The following FRMD4A variants were observed in gnomAD, a reference collection of about 807,000 sequenced individuals.
FRMD4A encodes the protein FERM domain-containing protein 4A.
Under a neutral mutation model 129.1 loss-of-function variants are expected in FRMD4A, and 29 were observed. The observed-to-expected ratio is 0.22, with a 90% CI of 0.17 to 0.31. The LOEUF (loss-of-function observed/expected upper bound fraction) is 0.31, where lower values mean the gene tolerates loss of function less well. Among genes scored for constraint, FRMD4A ranks in the 10% least tolerant of loss-of-function variants. The probability of loss-of-function intolerance (pLI) is 1.00; values close to 1 mark genes in which losing one functional copy is unlikely to be tolerated. For synonymous variants in FRMD4A, 634 were observed against 571.6 expected (o/e 1.11, Z -1.56); for missense variants, 1,272 against 1,375.8 (o/e 0.92, Z 1.19).
At chr10:14,300,433 C>T (rs1359435816) in intron 2 of FRMD4A, among the ~76,000 whole-genome samples, 1 of 152,096 alleles carries the variant, frequency 6.6e-6, no homozygotes, top group African/African-American at 2.4e-5. Flanking sequence ...AATTCCAAGC[C>T]CCACTCTTAC....
chr10:13,747,969 A>G, intron 8 of FRMD4A, 150 bp from the exon 9 acceptor site: 1 of 628,270 alleles, frequency 1.6e-6, no homozygotes, highest in Non-Finnish European at 2.9e-6. Context: ...CTCTCTTTTT[A>G]TTTCCGAAAT....
intron 2 of FRMD4A, among the ~76,000 whole-genome samples, chr10:13,912,438 A>G (rs1047448160): frequency 2.2e-4 from 34 of 152,260 alleles, no homozygotes; most frequent in African/African-American, 3.6e-4. Context: ...GACATTACAC[A>G]TAATAGGCAA....
chr10:13,746,993 A>C (rs1237449591), intron 9 of FRMD4A, among the ~76,000 whole-genome samples: 2 of 152,064 alleles, frequency 1.3e-5, no homozygotes, highest in Non-Finnish European at 2.9e-5. Context: ...AGGGAAAATA[A>C]AACAATCAAT....
At chr10:13,949,624 T>C (rs1481195857) in intron 2 of FRMD4A, among the ~76,000 whole-genome samples, 3 of 152,244 alleles carry the variant, frequency 2.0e-5, no homozygotes, top group African/African-American at 7.2e-5. Context: ...AAGCCTGAGA[T>C]TACTTGTATT....
chr10:13,856,925 A>C (rs536506570), intron 3 of FRMD4A, among the ~76,000 whole-genome samples: 2 of 152,274 alleles, frequency 1.3e-5, no homozygotes, highest in Non-Finnish European at 2.9e-5. Flanking sequence ...TGTAAAATAC[A>C]CCAGACCACT....
intron 4 of FRMD4A, among the ~76,000 whole-genome samples, chr10:13,799,475 T>C (rs994637982): frequency 6.7e-6 from 1 of 150,106 alleles, no homozygotes; most frequent in African/African-American, 2.5e-5. Context: ...ACTTTCTATA[T>C]CTGGAAAATG....
intron 2 of FRMD4A, among the ~76,000 whole-genome samples, chr10:14,160,170 C>T (rs191769657): frequency 4.0e-4 from 61 of 152,258 alleles, no homozygotes; most frequent in African/African-American, 1.4e-3. Context: ...TATATATTTA[C>T]AGCCAACTGA....
At chr10:13,688,510 C>G (rs1327805377) in intron 15 of FRMD4A, among the ~76,000 whole-genome samples, 1 of 151,682 alleles carries the variant, frequency 6.6e-6, no homozygotes, top group Non-Finnish European at 1.5e-5. Context: ...AAACCTGCAC[C>G]TTGTGCACAT....
At chr10:13,800,014 C>T (rs2093217880) in intron 4 of FRMD4A, among the ~76,000 whole-genome samples, 1 of 117,186 alleles carries the variant, frequency 8.5e-6, no homozygotes. Context: ...CCCATCTCTA[C>T]TAAAAAAAAA....
intron 2 of FRMD4A, among the ~76,000 whole-genome samples, chr10:14,206,138 G>T (rs1243852386): frequency 6.6e-6 from 1 of 152,092 alleles, no homozygotes; most frequent in Non-Finnish European, 1.5e-5. Flanking sequence ...GCAATTGATT[G>T]GTCGTTAGGT....
intron 2 of FRMD4A, among the ~76,000 whole-genome samples, chr10:14,078,518 G>C (rs1438419434): frequency 6.6e-6 from 1 of 152,228 alleles, no homozygotes; most frequent in African/African-American, 2.4e-5. Context: ...TGACCTGCCA[G>C]CATGGAACCT....
At chr10:14,251,568 T>A (rs561494860) in intron 2 of FRMD4A, among the ~76,000 whole-genome samples, 43 of 152,312 alleles carry the variant, frequency 2.8e-4, no homozygotes, top group African/African-American at 9.9e-4. Context: ...ATGACTGTTA[T>A]CTCAAGCCAC....
At chr10:14,165,535 T>C (rs954237741) in intron 2 of FRMD4A, among the ~76,000 whole-genome samples, 6 of 152,138 alleles carry the variant, frequency 3.9e-5, no homozygotes, top group Non-Finnish European at 5.9e-5. Context: ...GGAAAAGAAA[T>C]CATTCTACCG....
chr10:13,718,603 T>C (rs550416169), intron 12 of FRMD4A, among the ~76,000 whole-genome samples: 5 of 152,348 alleles, frequency 3.3e-5, no homozygotes, highest in African/African-American at 1.2e-4. Context: ...GCTGGTCCTA[T>C]TTAGAGCTCT....
intron 2 of FRMD4A, among the ~76,000 whole-genome samples, chr10:13,909,054 T>C (rs34172185): frequency 6.6e-6 from 1 of 152,246 alleles, no homozygotes; most frequent in Non-Finnish European, 1.5e-5. Flanking sequence ...TCTCTTATTG[T>C]TTTTTCACAG....
At chr10:14,105,824 T>C (rs1423650180) in intron 2 of FRMD4A, among the ~76,000 whole-genome samples, 1 of 152,232 alleles carries the variant, frequency 6.6e-6, no homozygotes, top group African/African-American at 2.4e-5. Context: ...TCCTGTAATC[T>C]GGATTTTACT....
At chr10:14,020,891 T>G (rs1190014690) in intron 2 of FRMD4A, among the ~76,000 whole-genome samples, 1 of 152,040 alleles carries the variant, frequency 6.6e-6, no homozygotes, top group Non-Finnish European at 1.5e-5. Context: ...GATGATGGAT[T>G]GCAGCAGGCG....
chr10:13,685,735 G>T (rs755030), intron 15 of FRMD4A: 303,854 of 568,734 alleles, frequency 0.53, 85,504 homozygotes, highest in Non-Finnish European at 0.58. Flanking sequence ...TTAAGCCCAG[G>T]AGTTTGAGGC....
At chr10:14,012,189 G>T (rs1055449587) in intron 2 of FRMD4A, among the ~76,000 whole-genome samples, 1 of 151,506 alleles carries the variant, frequency 6.6e-6, no homozygotes, top group African/African-American at 2.4e-5. Context: ...TCAGGGATGG[G>T]GGGCAGTCAA....
Sources: gnomAD v4.1 joint callset for allele counts (sites outside exome capture counted in the v4.1 genomes callset) on GRCh38, gnomAD v4.1.1 for gene constraint, MANE v1.5 for transcripts, NCBI Gene and HGNC (gene_info 2026-07-23, HGNC 2026-07-21) for gene names.